Variants in GLT8D2 observed in about 807,000 individuals in gnomAD.
GLT8D2 encodes glycosyltransferase 8 domain containing 2.
GLT8D2 carries 45 observed loss-of-function variants against 44.5 expected under a neutral mutation model. That is an observed-to-expected ratio of 1.01 (90% CI 0.80 to 1.30). GLT8D2 has a LOEUF of 1.30. GLT8D2 is among the 50% of genes most tolerant of loss of function. The pLI is 0.00. For missense variants in GLT8D2, 400 were observed against 430.4 expected (o/e 0.93, Z 0.62); for synonymous variants, 156 against 157.2 (o/e 0.99, Z 0.06).
Position 104,033,786 on chromosome 12 carries a change from GTATATATGTGTGTGTGTGTGTA to G in GLT8D2, c.-163-12317_-163-12296del, listed in dbSNP as rs962622127. ...AATATATATATATGTGTGTGTGTGT[GTATATATGTGTGTGTGTGTGTA>G]TATATATATATATATATGTATATAT... On this transcript the variant is annotated intron_variant, in intron 1 of 10. Transcript: ENST00000360814. Among the ~76,000 whole-genome samples the G allele has an allele frequency of 7.7e-5, 10 of 130,374 alleles. No individual in the cohort carries two copies. The South Asian group carries it at 1.5e-3, about 20-fold the overall frequency. The allele number at this position is 130,374 out of a possible 152,430, so 85.5% of individuals were successfully genotyped here.
intron 1 of GLT8D2, among the ~76,000 whole-genome samples, chr12:104,045,500 G>A (rs1164296505): frequency 6.6e-6 from 1 of 152,222 alleles, no homozygotes. Flanking sequence ...GGGGAGAAAA[G>A]AAGGTTGAGG....
At chr12:104,043,377 T>A (rs1005921424) in intron 1 of GLT8D2, among the ~76,000 whole-genome samples, 2 of 152,160 alleles carry the variant, frequency 1.3e-5, no homozygotes, top group African/African-American at 4.8e-5. Flanking sequence ...CTTATAGTAA[T>A]CCACGTGTCC....
At chr12:104,048,466 A>C (rs1336060747) in intron 1 of GLT8D2, among the ~76,000 whole-genome samples, 3 of 147,654 alleles carry the variant, frequency 2.0e-5, no homozygotes, top group Admixed American at 6.7e-5. Flanking sequence ...AAAATGCTGA[A>C]ATTAAAAAGG....
intron 1 of GLT8D2, among the ~76,000 whole-genome samples, chr12:104,021,939 GAAGAAGAA>G (rs1877810439): frequency 3.7e-5 from 1 of 26,690 alleles, no homozygotes; most frequent in African/African-American, 1.3e-4. Context: ...AGAAGAAGAA[GAAGAAGAA>G]GAAGAAGAGG....
intron 10 of GLT8D2, among the ~76,000 whole-genome samples, chr12:103,991,458 G>T (rs748654144): frequency 6.6e-6 from 1 of 152,140 alleles, no homozygotes; most frequent in Admixed American, 6.5e-5. Flanking sequence ...AAAGTACTGG[G>T]ATTATAGGCA....
In GLT8D2 at chr12:103,989,561, G is replaced by T. The variant is rs752730912; in HGVS notation, c.897C>A (p.Ala299=). Residue 299 remains alanine, a synonymous_variant, in exon 11 of 11, where the codon GCC becomes GCA. Transcript: ENST00000360814. The part of the protein sequence containing the change: ...HIRHLGWNPD[A]RYSEHFLQEA... ...CCTGCAGAAAATGCTCCGAATATCT[G>T]GCATCTGGATTCCAGCCTTCATTGT... is the stretch of plus-strand genomic sequence containing the variant. 1.9e-6 allele frequency: 3 copies of T among 1,611,712 alleles called. No individual in the cohort carries two copies. In the South Asian group the frequency reaches 3.3e-5, roughly 18 times the overall value.
chr12:104,052,606 G>T (rs1355784640), upstream of GLT8D2, among the ~76,000 whole-genome samples: 1 of 152,144 alleles, frequency 6.6e-6, no homozygotes, highest in African/African-American at 2.4e-5. Flanking sequence ...CAAATTTGCT[G>T]CCTGTGTAGA....
chr12:104,055,840 C>A (rs916242555), intron 1 of GLT8D2, among the ~76,000 whole-genome samples: 2 of 152,214 alleles, frequency 1.3e-5, no homozygotes, highest in Non-Finnish European at 2.9e-5. Flanking sequence ...TGACAAGCCT[C>A]TTTGCCACGT....
Position 103,999,454 on chromosome 12 carries a change from C to T in GLT8D2, c.345G>A (p.Pro115=), listed in dbSNP as rs564549205. The T allele has an allele frequency of 9.9e-6, 16 of 1,613,582 alleles. No individual in the cohort carries two copies. The highest frequency in any genetic ancestry group is 2.7e-5 in the African/African-American group (2 of 74,994). The change falls in exon 6 of 11, where the codon CCG becomes CCA. Residue 115 remains proline, a synonymous_variant. Transcript: ENST00000360814. The part of the protein sequence containing the change: ...EINFKIVEFN[P]MVLKGKIRPD... ...GTCTGATCTTCCCTTTGAGGACCAT[C>T]GGGTTGAATTCCACGATTTTAAAGT... is the stretch of plus-strand genomic sequence containing the variant.
chr12:104,016,370 C>G (rs761562564), intron 3 of GLT8D2, among the ~76,000 whole-genome samples: 4 of 152,018 alleles, frequency 2.6e-5, no homozygotes, highest in Non-Finnish European at 5.9e-5. Context: ...GGTGTGGTGG[C>G]TCACACCTGT....
At chr12:104,020,374 T>C (rs1877476467) in intron 2 of GLT8D2, among the ~76,000 whole-genome samples, 1 of 152,150 alleles carries the variant, frequency 6.6e-6, no homozygotes, top group South Asian at 2.1e-4. Context: ...CGTTCCTCGA[T>C]AAGGCAGATT....
intron 1 of GLT8D2, among the ~76,000 whole-genome samples, chr12:104,026,574 G>C (rs2136409864): frequency 6.6e-6 from 1 of 152,150 alleles, no homozygotes; most frequent in East Asian, 1.9e-4. Flanking sequence ...TAGGAGAAGT[G>C]GTAGGCATTA....
chr12:104,052,820 C>A (rs1178628094), upstream of GLT8D2, among the ~76,000 whole-genome samples: 1 of 152,022 alleles, frequency 6.6e-6, no homozygotes, highest in Non-Finnish European at 1.5e-5. Context: ...CCAGGCTGGA[C>A]TTGAATTCCT....
At chr12:104,036,662 C>G (rs907598242) in intron 1 of GLT8D2, among the ~76,000 whole-genome samples, 1 of 152,186 alleles carries the variant, frequency 6.6e-6, no homozygotes, top group Middle Eastern at 3.2e-3. Flanking sequence ...ATTCATAAAG[C>G]AAGTCCTTAG....
At chr12:103,991,834 A>G (rs1020430618) in intron 10 of GLT8D2, among the ~76,000 whole-genome samples, 1 of 151,682 alleles carries the variant, frequency 6.6e-6, no homozygotes, top group Admixed American at 6.6e-5. Flanking sequence ...AAAAAAAAAA[A>G]AAAAAAAAAA....
chr12:104,059,876 A>G (rs1237160451), intron 1 of GLT8D2, among the ~76,000 whole-genome samples: 2 of 152,168 alleles, frequency 1.3e-5, no homozygotes, highest in Non-Finnish European at 2.9e-5. Flanking sequence ...ATAACAATTT[A>G]CACAGTACCT....
chr12:104,008,966 T>C (rs879165653), intron 4 of GLT8D2, among the ~76,000 whole-genome samples: 1 of 152,228 alleles, frequency 6.6e-6, no homozygotes, highest in Non-Finnish European at 1.5e-5. Flanking sequence ...TGGAAATGTC[T>C]GGATGCCCAG....
In GLT8D2 at chr12:104,015,429, C is replaced by CACACACAA. The variant is rs996399375; in HGVS notation, c.20-332_20-325dup. ...ACACACACACACACACACACACACA[C>CACACACAA]ACACACAAATTAGCTGGGCGTGGTG... On this transcript the variant is annotated intron_variant, in intron 3 of 10. Transcript: ENST00000360814. Among the ~76,000 whole-genome samples the CACACACAA allele has an allele frequency of 6.0e-5, 9 of 151,198 alleles. No individual in the cohort carries two copies. In the East Asian group the frequency reaches 1.8e-3, roughly 30 times the overall value.
chr12:104,037,221 A>G (rs1472378688), intron 1 of GLT8D2, among the ~76,000 whole-genome samples: 1 of 152,222 alleles, frequency 6.6e-6, no homozygotes, highest in East Asian at 1.9e-4. Flanking sequence ...GGAAAGATCT[A>G]AAATCGACAC....
Sources: allele counts gnomAD v4.1 joint callset (sites outside exome capture counted in the v4.1 genomes callset), GRCh38; gene constraint gnomAD v4.1.1; transcripts MANE v1.5; gene names NCBI Gene and HGNC (gene_info 2026-07-23, HGNC 2026-07-21).